ASCC3: variants seen among roughly 807,000 people sequenced by gnomAD.
ASCC3 encodes ASC-1 complex subunit P200.
A neutral mutation model predicts 256.3 loss-of-function variants in ASCC3; 158 were observed. That is an observed-to-expected ratio of 0.62 (90% CI 0.54 to 0.70). The LOEUF is 0.70. Ranked by LOEUF, ASCC3 falls within the 30% of genes least tolerant of loss-of-function variation. The pLI is 0.00. For synonymous variants in ASCC3, 948 were observed against 883.4 expected, an observed-to-expected ratio of 1.07 and a Z score of -1.30; for missense variants, 2,259 against 2,626.0, an observed-to-expected ratio of 0.86 and a Z score of 3.05.
chr6:100,533,002 G>C (rs1774991000), intron 37 of ASCC3, among the ~76,000 whole-genome samples: 2 of 151,738 alleles, frequency 1.3e-5, no homozygotes, highest in South Asian at 4.2e-4. Flanking sequence ...GTACTGTTTT[G>C]TTTCCTGTTT....
At chr6:100,533,124 T>C (rs1774998573) in intron 37 of ASCC3, among the ~76,000 whole-genome samples, 1 of 151,900 alleles carries the variant, frequency 6.6e-6, no homozygotes, top group African/African-American at 2.4e-5. Flanking sequence ...TTGTTTTTGT[T>C]TTTCAATATA....
intron 30 of ASCC3, among the ~76,000 whole-genome samples, chr6:100,613,232 C>T (rs1012154530): frequency 3.9e-5 from 6 of 151,948 alleles, no homozygotes; most frequent in African/African-American, 1.4e-4. Context: ...TAAGTAATTA[C>T]TCATAGTCTA....
At chr6:100,691,495 G>A (rs1035005028) in intron 13 of ASCC3, among the ~76,000 whole-genome samples, 2 of 151,734 alleles carry the variant, frequency 1.3e-5, no homozygotes, top group African/African-American at 2.4e-5. Flanking sequence ...TCTGAGATAT[G>A]AATTCATTTT....
At chr6:100,830,779 A>G (rs1478018847) in intron 4 of ASCC3, among the ~76,000 whole-genome samples, 1 of 152,242 alleles carries the variant, frequency 6.6e-6, no homozygotes, top group East Asian at 1.9e-4. Flanking sequence ...TCTGGGCATC[A>G]GGTGATATGT....
In ASCC3 at chr6:100,651,546, T is replaced by C. The variant is rs1354827347; in HGVS notation, c.3075+14A>G. On this transcript the variant is annotated intron_variant, in intron 19 of 41. Coordinates refer to ENST00000369162, the MANE Select transcript of ASCC3 (RefSeq NM_006828.4). The stretch of plus-strand genomic sequence containing the variant: ...ATGTTGTATGCATTTGATTCAAATT[T>C]CAAGAAATCTTACCTTAATTTGATC... 3 of 1,512,960 alleles carry C rather than the reference T, an allele frequency of 2.0e-6. No individual in the cohort carries two copies. Among genetic ancestry groups the C allele is most frequent in the African/African-American group, 2.8e-5 (2 of 72,436 alleles). 93.7% of individuals were successfully genotyped at this position (1,512,960 alleles called of 1,614,324 possible). A position where few individuals can be genotyped will look rare whatever the true frequency, so the allele number is the denominator to read the frequency against.
At chr6:100,621,467 G>A (rs1477753340) in intron 30 of ASCC3, among the ~76,000 whole-genome samples, 1 of 152,098 alleles carries the variant, frequency 6.6e-6, no homozygotes, top group East Asian at 1.9e-4. Flanking sequence ...CATTAATGTG[G>A]TCAACAAACA....
intron 13 of ASCC3, among the ~76,000 whole-genome samples, chr6:100,681,586 G>A (rs1777304295): frequency 6.6e-6 from 1 of 151,692 alleles, no homozygotes; most frequent in South Asian, 2.1e-4. Flanking sequence ...AATTAGCGGG[G>A]CGTGGTGGTG....
At chr6:100,651,486 T>C (rs1775665347) in intron 19 of ASCC3, 74 bp downstream of exon 19, 2 of 795,118 alleles carry the variant, frequency 2.5e-6, no homozygotes, top group Non-Finnish European at 3.9e-6. Context: ...TATATGGTAT[T>C]AATGAGAACC....
chr6:100,601,622 C>T (rs953400480), intron 34 of ASCC3, among the ~76,000 whole-genome samples, 188 bp downstream of exon 34: 1 of 152,022 alleles, frequency 6.6e-6, no homozygotes, highest in Non-Finnish European at 1.5e-5. Flanking sequence ...GTAACAAATG[C>T]ATATAATTAT....
chr6:100,570,715 T>C (rs1386693778), intron 36 of ASCC3, among the ~76,000 whole-genome samples: 1 of 152,148 alleles, frequency 6.6e-6, no homozygotes, highest in African/African-American at 2.4e-5. Flanking sequence ...CATATGCCTG[T>C]CACAGTCCCC....
chr6:100,632,182 T>TAAAAAAAAAAAAAAAAA (rs35229827), intron 25 of ASCC3, among the ~76,000 whole-genome samples: 1 of 102,010 alleles, frequency 9.8e-6, no homozygotes. Flanking sequence ...GCAAACTATC[T>TAAAAAAAAAAAAAAAAA]AAAAAAAAAA....
intron 4 of ASCC3, among the ~76,000 whole-genome samples, chr6:100,836,321 C>G (rs1771872398): frequency 6.9e-6 from 1 of 144,288 alleles, no homozygotes; most frequent in Admixed American, 6.7e-5. Context: ...GCATCCTCAT[C>G]TTATTCCAGA....
chr6:100,576,480 T>C (rs767630200), intron 36 of ASCC3, among the ~76,000 whole-genome samples: 1 of 151,934 alleles, frequency 6.6e-6, no homozygotes, highest in Non-Finnish European at 1.5e-5. Flanking sequence ...AGGATAAAGA[T>C]AGAATATGTC....
In ASCC3 at chr6:100,725,673, C is replaced by T; in HGVS notation, c.1768G>A (p.Val590Ile). Residue 590 changes from valine (V) to isoleucine (I), a missense_variant, in exon 11 of 42, where the codon GTA becomes ATA. Coordinates refer to ENST00000369162, the MANE Select transcript of ASCC3 (RefSeq NM_006828.4). The stretch of plus-strand genomic sequence containing the variant: ...TCCCCAACACTCTTTCTTGTCACTA[C>T]ATCCCATTTTTCTGGTGTGGTCACA... ...MLVTTPEKWD[V>I]VTRKSVGDVA... The T allele has an allele frequency of 6.8e-6, 11 of 1,612,612 alleles. No individual in the cohort carries two copies. The highest frequency in any genetic ancestry group is 1.3e-5 in the African/African-American group (1 of 74,948).
At chr6:100,785,710 C>T (rs1362813239) in intron 8 of ASCC3, among the ~76,000 whole-genome samples, 1 of 152,170 alleles carries the variant, frequency 6.6e-6, no homozygotes, top group Non-Finnish European at 1.5e-5. Flanking sequence ...CCATGCCCAG[C>T]TCATTTACAC....
At chr6:100,567,453 C>G (rs969596349) in intron 36 of ASCC3, among the ~76,000 whole-genome samples, 1 of 152,126 alleles carries the variant, frequency 6.6e-6, no homozygotes, top group African/African-American at 2.4e-5. Flanking sequence ...TGGGTACATA[C>G]GCACGTTTGT....
intron 13 of ASCC3, among the ~76,000 whole-genome samples, chr6:100,714,775 G>A (rs529750030): frequency 1.2e-4 from 18 of 152,162 alleles, no homozygotes; most frequent in African/African-American, 4.3e-4. Context: ...CAGAAAAAAT[G>A]CCTCAAGAAT....
chr6:100,810,175 C>T (rs372134051), intron 4 of ASCC3, among the ~76,000 whole-genome samples: 11 of 152,204 alleles, frequency 7.2e-5, no homozygotes, highest in Admixed American at 3.3e-4. Context: ...TGACACCAAT[C>T]CATCTGCTAC....
At chr6:100,550,043 G>A (rs1769211710) in intron 36 of ASCC3, among the ~76,000 whole-genome samples, 1 of 151,820 alleles carries the variant, frequency 6.6e-6, no homozygotes, top group Non-Finnish European at 1.5e-5. Flanking sequence ...CAGTGGAGTT[G>A]GGAACATCCA....
Sources: gnomAD v4.1 joint callset for allele counts (sites outside exome capture counted in the v4.1 genomes callset) on GRCh38, gnomAD v4.1.1 for gene constraint, MANE v1.5 for transcripts, NCBI Gene and HGNC (gene_info 2026-07-23, HGNC 2026-07-21) for gene names.